Variants in LIPA observed in about 807,000 individuals in gnomAD.
LIPA encodes the protein lipase A, lysosomal acid type, also known as lysosomal acid lipase/cholesteryl ester hydrolase.
LIPA carries 26 observed loss-of-function variants against 40.6 expected under a neutral mutation model. That is an observed-to-expected ratio of 0.64 (90% CI 0.47 to 0.89). LIPA has a LOEUF of 0.89. Ranked by LOEUF, LIPA falls within the 40% of genes least tolerant of loss-of-function variation. The pLI is 0.00. For synonymous variants in LIPA, 188 were observed against 168.4 expected, an observed-to-expected ratio of 1.12 and a Z score of -0.90; for missense variants, 455 against 479.6, an observed-to-expected ratio of 0.95 and a Z score of 0.48.
At chr10:89,332,851 C>T (rs930871253) in intron 1 of LIPA, among the ~76,000 whole-genome samples, 4 of 151,780 alleles carry the variant, frequency 2.6e-5, no homozygotes, top group Non-Finnish European at 2.9e-5. Flanking sequence ...TGGGAAGGGA[C>T]GGGGCATATT....
intron 1 of LIPA, among the ~76,000 whole-genome samples, chr10:89,314,862 A>G (rs1272242375): frequency 1.3e-5 from 2 of 152,212 alleles, no homozygotes; most frequent in Non-Finnish European, 2.9e-5. Flanking sequence ...AATCTATTGC[A>G]TTCTGGTGAA....
At chr10:89,233,195 C>A (rs1210450492) in intron 3 of LIPA, among the ~76,000 whole-genome samples, 1 of 152,206 alleles carries the variant, frequency 6.6e-6, no homozygotes, top group African/African-American at 2.4e-5. Flanking sequence ...CAATGAACAA[C>A]AGGCACAAAA....
intron 1 of LIPA, among the ~76,000 whole-genome samples, chr10:89,250,516 C>T (rs1724946091): frequency 6.6e-6 from 1 of 152,066 alleles, no homozygotes; most frequent in African/African-American, 2.4e-5. Flanking sequence ...TTGTACAGCC[C>T]CAGGCTATTT....
rs115727748 is a variant in LIPA, at chr10:89,387,988, T to C, written c.61+24803A>G. 5.3e-3 allele frequency among the ~76,000 whole-genome samples: 808 copies of C among 152,298 alleles called. 2 individuals are homozygous for C. Among genetic ancestry groups the C allele is most frequent in the African/African-American group, 0.019 (770 of 41,560 alleles). On this transcript the variant is annotated intron_variant, in intron 2 of 8. Transcript: ENST00000371837. The stretch of plus-strand genomic sequence containing the variant: ...ACTGAGACAAATTATCCAAAATATG[T>C]AGGGAATGGTGGATAAAATCACATA...
chr10:89,331,075 A>G (rs1843644549), intron 1 of LIPA, among the ~76,000 whole-genome samples: 2 of 152,256 alleles, frequency 1.3e-5, no homozygotes, highest in Admixed American at 1.3e-4. Flanking sequence ...AATGGTGAAC[A>G]GTACTTCCAG....
intron 3 of LIPA, among the ~76,000 whole-genome samples, chr10:89,245,090 T>C (rs1219115657): frequency 1.3e-5 from 2 of 152,176 alleles, no homozygotes; most frequent in African/African-American, 2.4e-5. Flanking sequence ...GCTTTATGTA[T>C]TGTATGGAAA....
chr10:89,393,262 G>A, intron 2 of LIPA: 1 of 1,289,740 alleles, frequency 7.8e-7, no homozygotes. Context: ...TGCACTGCTG[G>A]CCTCTTACAA....
chr10:89,324,714 G>A (rs1220722224), intron 1 of LIPA, among the ~76,000 whole-genome samples: 1 of 152,178 alleles, frequency 6.6e-6, no homozygotes, highest in Non-Finnish European at 1.5e-5. Flanking sequence ...CAAAGGACAT[G>A]AACAGACACT....
upstream of LIPA, among the ~76,000 whole-genome samples, chr10:89,345,532 AAATAAAT>A: frequency 2.7e-5 from 1 of 36,504 alleles, no homozygotes. Context: ...CCATCTCAAA[AAATAAAT>A]AAATAAATAA....
At chr10:89,253,720 C>T (rs1843165025), upstream of LIPA, among the ~76,000 whole-genome samples, 1 of 152,218 alleles carries the variant, frequency 6.6e-6, no homozygotes, top group Non-Finnish European at 1.5e-5. Flanking sequence ...CAAGGCAAGT[C>T]CCTTCCACCT....
At chr10:89,408,470 G>A (rs533130433) in intron 2 of LIPA, among the ~76,000 whole-genome samples, 1 of 150,402 alleles carries the variant, frequency 6.6e-6, no homozygotes, top group African/African-American at 2.4e-5. Context: ...TCCTATTAAT[G>A]ATAAGCCTCC....
Position 89,402,760 on chromosome 10 carries a change from C to T in LIPA, c.61+10031G>A, listed in dbSNP as rs755675135. ...GGAAAAAATTATGAACGGGCCAAGGCCTGCTTTGAAAAGGTGCTTGAAGTG... is the reference window on the plus strand; with the variant it reads ...GGAAAAAATTATGAACGGGCCAAGGTCTGCTTTGAAAAGGTGCTTGAAGTG... On this transcript the variant is annotated intron_variant, in intron 2 of 8. Transcript: ENST00000371837. The T allele has an allele frequency of 2.5e-6, 4 of 1,614,174 alleles. No individual in the cohort carries two copies. In the South Asian group the frequency reaches 4.4e-5, roughly 18 times the overall value.
At chr10:89,271,332 A>C (rs1219955051) in intron 1 of LIPA, among the ~76,000 whole-genome samples, 2 of 152,214 alleles carry the variant, frequency 1.3e-5, no homozygotes, top group Non-Finnish European at 2.9e-5. Flanking sequence ...TGAACGGTTC[A>C]CCTGGATGTT....
chr10:89,267,568 G>T (rs1843242885), intron 1 of LIPA, among the ~76,000 whole-genome samples: 1 of 131,062 alleles, frequency 7.6e-6, no homozygotes, highest in Non-Finnish European at 1.6e-5. Context: ...ATCACACTCT[G>T]GGGACTGTGG....
chr10:89,295,020 T>TAAAGGAAAGGAAAG (rs1843404400), intron 1 of LIPA, among the ~76,000 whole-genome samples: 1 of 106,616 alleles, frequency 9.4e-6, no homozygotes, highest in Non-Finnish European at 1.9e-5. Flanking sequence ...GGAAATGAAA[T>TAAAGGAAAGGAAAG]GAAAGGAAAG....
intron 3 of LIPA, among the ~76,000 whole-genome samples, chr10:89,235,485 C>T (rs1048993343): frequency 2.6e-5 from 4 of 152,212 alleles, no homozygotes; most frequent in Admixed American, 2.0e-4. Context: ...TGGCAGTCCA[C>T]GACAACGCTG....
chr10:89,374,943 A>C (rs1844111696), intron 2 of LIPA, among the ~76,000 whole-genome samples: 1 of 152,214 alleles, frequency 6.6e-6, no homozygotes, highest in Non-Finnish European at 1.5e-5. Flanking sequence ...GAAGCTCAGA[A>C]CAGGACACCC....
At chr10:89,399,517 G>T (rs1310527806) in intron 2 of LIPA, among the ~76,000 whole-genome samples, 3 of 152,038 alleles carry the variant, frequency 2.0e-5, no homozygotes, top group Non-Finnish European at 4.4e-5. Flanking sequence ...CTTACATTTA[G>T]GTCTTTCATC....
At chr10:89,347,212 A>G (rs960945806), upstream of LIPA, among the ~76,000 whole-genome samples, 1 of 152,222 alleles carries the variant, frequency 6.6e-6, no homozygotes, top group Non-Finnish European at 1.5e-5. Flanking sequence ...GAGGGCCGGT[A>G]GAGTCATCAG....
Sources: gnomAD v4.1 joint callset for allele counts (sites outside exome capture counted in the v4.1 genomes callset) on GRCh38, gnomAD v4.1.1 for gene constraint, MANE v1.5 for transcripts, NCBI Gene and HGNC (gene_info 2026-07-23, HGNC 2026-07-21) for gene names.